NRF1: variants seen among roughly 807,000 people sequenced by gnomAD.
The protein encoded by NRF1 is nuclear respiratory factor 1, also known as alpha palindromic-binding protein.
Under a neutral mutation model 58.5 loss-of-function variants are expected in NRF1, and 5 were observed. The observed-to-expected ratio is 0.09, with a 90% CI of 0.04 to 0.18. The LOEUF (loss-of-function observed/expected upper bound fraction) is 0.18. Among genes scored for constraint, NRF1 ranks in the 10% least tolerant of loss-of-function variants. The pLI is 1.00. For missense variants in NRF1, 288 were observed against 657.7 expected, an observed-to-expected ratio of 0.44 and a Z score of 6.15; for synonymous variants, 224 against 246.7, an observed-to-expected ratio of 0.91 and a Z score of 0.86.
intron 1 of NRF1, among the ~76,000 whole-genome samples, chr7:129,640,391 G>A (rs192963672): frequency 2.0e-5 from 3 of 151,880 alleles, no homozygotes; most frequent in Admixed American, 6.6e-5. Context: ...GGTGGCTCCC[G>A]TCTGTAGTCC....
intron 1 of NRF1, among the ~76,000 whole-genome samples, chr7:129,619,427 T>TACACACACACACAC (rs1295058351): frequency 1.1e-4 from 9 of 81,092 alleles, no homozygotes; most frequent in African/African-American, 5.5e-4. Flanking sequence ...TATATATATA[T>TACACACACACACAC]ATATATACAC....
chr7:129,749,824 GT>G (rs1025306147), intron 10 of NRF1, among the ~76,000 whole-genome samples: 175 of 146,176 alleles, frequency 1.2e-3, no homozygotes, highest in Admixed American at 1.7e-3. Context: ...CTGTGTTGAG[GT>G]TTTTTTTTTT....
In NRF1 at chr7:129,737,506, A is replaced by G. The variant is rs189878250; in HGVS notation, c.1348+10141A>G. On this transcript the variant is annotated intron_variant, in intron 10 of 10. Coordinates refer to ENST00000393232, the MANE Select transcript of NRF1 (RefSeq NM_005011.5). Reference sequence around the variant, plus strand: ...ACTTACTGCATGTCCCACTGTTCCAACTCTTTAAAAATGAGAGGGATGATG... The same window carrying G: ...ACTTACTGCATGTCCCACTGTTCCAGCTCTTTAAAAATGAGAGGGATGATG... Among the ~76,000 whole-genome samples, 375 of 152,112 alleles carry G rather than the reference A, an allele frequency of 2.5e-3. 4 individuals carry two copies. The South Asian group carries it at 0.029, about 12-fold the overall frequency.
In NRF1 at chr7:129,651,463, G is replaced by A. The variant is rs1446220852; in HGVS notation, c.-6-5883G>A. Reference sequence around the variant, plus strand: ...GTTAGAGAGGCCAAAGAATGGGAGAGGGAGAGAGGTGGAAAGAGATGAGGC... The same window carrying A: ...GTTAGAGAGGCCAAAGAATGGGAGAAGGAGAGAGGTGGAAAGAGATGAGGC... On this transcript the variant is annotated intron_variant, in intron 1 of 10. Transcript: ENST00000393232. 3.3e-5 allele frequency among the ~76,000 whole-genome samples: 5 copies of A among 151,860 alleles called. No homozygotes were observed. The East Asian group carries it at 7.7e-4, about 23-fold the overall frequency.
intron 4 of NRF1, among the ~76,000 whole-genome samples, chr7:129,682,462 GA>G (rs367847224): frequency 0.019 from 2,652 of 136,586 alleles, 75 homozygotes; most frequent in African/African-American, 0.067. Context: ...TGTCCCAAAG[GA>G]AAAAAAAAAC....
rs763687083 is a variant in NRF1 at position 129,657,414 on chromosome 7, C to T, written c.63C>T (p.Ala21=). ...HMATIEAHAV[A]QQVQQVHVAT... ...CTACCATAGAAGCACATGCAGTGGC[C>T]CAGCAAGTGCAGCAGGTCCATGTGG... The change falls in exon 2 of 11, where the codon GCC becomes GCT. Residue 21 remains alanine (A), a synonymous_variant. Transcript: ENST00000393232. 3 of 1,613,874 alleles carry T rather than the reference C, an allele frequency of 1.9e-6. No homozygotes were observed. The highest frequency in any genetic ancestry group is 1.7e-5 in the Admixed American group (1 of 59,970).
chr7:129,741,762 C>T lies in NRF1; in HGVS notation c.1349-13256C>T, dbSNP rs562813687. Reference sequence around the variant, plus strand: ...TTATTAACTCTAATAGCTTGTCCCTCGCAGCCAGGATGGTTTGGGGCCCTC... The same window carrying T: ...TTATTAACTCTAATAGCTTGTCCCTTGCAGCCAGGATGGTTTGGGGCCCTC... On this transcript the variant is annotated intron_variant, in intron 10 of 10. Coordinates refer to ENST00000393232, the MANE Select transcript of NRF1 (RefSeq NM_005011.5). The surrounding 1 kb of genome is among the most constrained non-coding windows in gnomAD (Gnocchi z 4.0). Among the ~76,000 whole-genome samples the T allele has an allele frequency of 6.6e-6, 1 of 152,282 alleles. No individual in the cohort carries two copies. The highest frequency in any genetic ancestry group is 1.9e-4 in the East Asian group (1 of 5,186).
Position 129,757,056 on chromosome 7 carries a change from A to AAAT in NRF1, c.*1877_*1879dup, listed in dbSNP as rs750296322. 2.0e-5 allele frequency: 3 copies of AAAT among 152,602 alleles called. No individual in the cohort carries two copies. Among genetic ancestry groups the AAAT allele is most frequent in the Non-Finnish European group, 2.9e-5 (2 of 68,032 alleles). 9.5% of individuals were successfully genotyped at this position (152,602 alleles called of 1,614,324 possible). A position where few individuals can be genotyped will look rare whatever the true frequency, so the allele number is the denominator to read the frequency against. The stretch of plus-strand genomic sequence containing the variant: ...TCTGTCTTTGACTGCCTCATTCAAT[A>AAAT]AATAGTTAAAAATGTGGCAACAGGA... On this transcript the variant is annotated 3_prime_UTR_variant, in exon 11 of 11. Transcript: ENST00000393232.
chr7:129,746,647 G>A (rs944798512), intron 10 of NRF1, among the ~76,000 whole-genome samples: 8 of 152,104 alleles, frequency 5.3e-5, no homozygotes, highest in African/African-American at 1.4e-4. Flanking sequence ...AATATAATCC[G>A]GAATTTAATT....
intron 1 of NRF1, among the ~76,000 whole-genome samples, chr7:129,646,567 C>T (rs1801409737): frequency 6.6e-6 from 1 of 152,114 alleles, no homozygotes; most frequent in South Asian, 2.1e-4. Context: ...ATCTGATCTC[C>T]TAGTGGAATG....
intron 10 of NRF1, among the ~76,000 whole-genome samples, chr7:129,746,840 T>G (rs1487947690): frequency 6.6e-6 from 1 of 152,244 alleles, no homozygotes; most frequent in Non-Finnish European, 1.5e-5. Context: ...TATTATTTGT[T>G]TAGCTCTCTC....
chr7:129,720,403 C>T (rs1275079095), intron 9 of NRF1, among the ~76,000 whole-genome samples: 1 of 152,208 alleles, frequency 6.6e-6, no homozygotes, highest in Admixed American at 6.5e-5. Flanking sequence ...TTAGTCCTTG[C>T]ACTCTGAGCC....
intron 3 of NRF1, among the ~76,000 whole-genome samples, chr7:129,673,763 G>C (rs1168767698): frequency 6.8e-6 from 1 of 147,502 alleles, no homozygotes; most frequent in African/African-American, 2.5e-5. Flanking sequence ...GGGTGCAGCA[G>C]ACCACCATGT....
intron 2 of NRF1, among the ~76,000 whole-genome samples, chr7:129,669,761 G>A (rs1420994896): frequency 2.0e-5 from 3 of 152,140 alleles, no homozygotes; most frequent in Non-Finnish European, 4.4e-5. Flanking sequence ...TGGTCCAGCC[G>A]CTCTGGAAAA....
In NRF1 at chr7:129,659,667, G is replaced by C. The variant is rs1363786787; in HGVS notation, c.223+2093G>C. On this transcript the variant is annotated intron_variant, in intron 2 of 10. Coordinates refer to ENST00000393232, the MANE Select transcript of NRF1 (RefSeq NM_005011.5). The stretch of plus-strand genomic sequence containing the variant: ...TTCCATTGCTGCTATTGAGAATTCA[G>C]CTATTTCATTCTAACCGCTACTCTT... Among the ~76,000 whole-genome samples the C allele has an allele frequency of 3.3e-5, 5 of 152,156 alleles. No individual in the cohort carries two copies. The South Asian group carries it at 8.3e-4, about 25-fold the overall frequency.
At chr7:129,622,769 C>A (rs1172853329) in intron 1 of NRF1, among the ~76,000 whole-genome samples, 4 of 152,010 alleles carry the variant, frequency 2.6e-5, no homozygotes, top group African/African-American at 9.7e-5. Flanking sequence ...AGGATTTCAC[C>A]ACGTTAGCTA....
chr7:129,622,430 T>TA (rs1207261142), intron 1 of NRF1, among the ~76,000 whole-genome samples: 7 of 152,174 alleles, frequency 4.6e-5, no homozygotes, highest in Non-Finnish European at 8.8e-5. Flanking sequence ...TGTTACATGT[T>TA]AAACAATAAA....
chr7:129,697,565 A>T (rs994776371), intron 5 of NRF1, among the ~76,000 whole-genome samples: 2 of 151,904 alleles, frequency 1.3e-5, no homozygotes, highest in Non-Finnish European at 2.9e-5. Flanking sequence ...AAAAAAATTG[A>T]GGCATAAATA....
intron 1 of NRF1, among the ~76,000 whole-genome samples, chr7:129,654,960 C>T (rs1801617849): frequency 6.6e-6 from 1 of 152,120 alleles, no homozygotes; most frequent in Admixed American, 6.5e-5. Flanking sequence ...TCCATGTAAA[C>T]TTTAGTGTCA....
Sources: gnomAD v4.1 joint callset for allele counts (sites outside exome capture counted in the v4.1 genomes callset) on GRCh38, gnomAD v4.1.1 for gene constraint, Gnocchi (gnomAD v3.1) non-coding constraint, MANE v1.5 for transcripts, NCBI Gene and HGNC (gene_info 2026-07-23, HGNC 2026-07-21) for gene names.